Variants in SOHLH2 observed in about 807,000 individuals in gnomAD.
SOHLH2 encodes spermatogenesis and oogenesis specific basic helix-loop-helix 2, also known as spermatogenesis- and oogenesis-specific basic helix-loop-helix-containing protein 2.
SOHLH2 carries 22 observed loss-of-function variants against 50.4 expected under a neutral mutation model. The ratio of observed to expected loss-of-function variants is 0.44; its 90% CI spans 0.31 to 0.62. The LOEUF (loss-of-function observed/expected upper bound fraction) is 0.62. Ranked by LOEUF, SOHLH2 falls within the 20% of genes least tolerant of loss-of-function variation. The pLI is 0.08. For synonymous variants in SOHLH2, 185 were observed against 187.3 expected, an observed-to-expected ratio of 0.99 and a Z score of 0.10; for missense variants, 412 against 504.4, an observed-to-expected ratio of 0.82 and a Z score of 1.76.
intron 6 of SOHLH2, among the ~76,000 whole-genome samples, chr13:36,177,157 T>C (rs1026696105): frequency 2.6e-5 from 4 of 152,124 alleles, no homozygotes; most frequent in African/African-American, 9.6e-5. Context: ...AAATAGCATA[T>C]AAATAAAATC....
chr13:36,205,906 A>G (rs1345568620), intron 1 of SOHLH2, among the ~76,000 whole-genome samples: 1 of 151,900 alleles, frequency 6.6e-6, no homozygotes, highest in Non-Finnish European at 1.5e-5. Flanking sequence ...GAAGTTTCTC[A>G]CCTTCTCTTA....
chr13:36,185,640 A>G (rs1006581120), intron 6 of SOHLH2, among the ~76,000 whole-genome samples: 1 of 152,210 alleles, frequency 6.6e-6, no homozygotes, highest in Non-Finnish European at 1.5e-5. Context: ...CTGATCAAGA[A>G]ACAAGGCAGA....
intron 1 of SOHLH2, among the ~76,000 whole-genome samples, chr13:36,204,446 G>C (rs1868632968): frequency 6.6e-6 from 1 of 152,136 alleles, no homozygotes; most frequent in Admixed American, 6.5e-5. Flanking sequence ...TATCCCAGCT[G>C]GAGTTTATTT....
rs541422469 is a variant in SOHLH2 at position 36,207,190 on chromosome 13, T to C, written c.49-5097A>G. Among the ~76,000 whole-genome samples the C allele has an allele frequency of 2.6e-5, 4 of 152,232 alleles. No individual in the cohort carries two copies. In the East Asian group the frequency reaches 7.7e-4, roughly 29 times the overall value. ...ATTACTGACATTAACTAGTGTACAT[T>C]AACTTCATTAATGTAATGTAATGAA... is the stretch of plus-strand genomic sequence containing the variant. On this transcript the variant is annotated intron_variant, in intron 1 of 10. Transcript: ENST00000379881.
chr13:36,211,841 C>G (rs1194473362), intron 1 of SOHLH2, among the ~76,000 whole-genome samples: 1 of 152,172 alleles, frequency 6.6e-6, no homozygotes, highest in African/African-American at 2.4e-5. Flanking sequence ...ATCAACCTAG[C>G]AGGGGAAGGA....
chr13:36,185,918 C>T (rs145415788), intron 6 of SOHLH2, among the ~76,000 whole-genome samples: 2 of 152,168 alleles, frequency 1.3e-5, no homozygotes, highest in South Asian at 2.1e-4. Flanking sequence ...ATGACTTCAC[C>T]GTTGAATCCT....
chr13:36,201,048 CAAAAAAAAAA>C (rs10660002), intron 2 of SOHLH2, among the ~76,000 whole-genome samples: 2 of 55,962 alleles, frequency 3.6e-5, no homozygotes, highest in Non-Finnish European at 6.4e-5. Context: ...GACTCTGCCT[CAAAAAAAAAA>C]AAAAAAAAAA....
intron 8 of SOHLH2, among the ~76,000 whole-genome samples, chr13:36,174,219 C>T (rs1341286607): frequency 1.3e-5 from 2 of 152,138 alleles, no homozygotes; most frequent in Non-Finnish European, 2.9e-5. Flanking sequence ...AGGGAGAAAG[C>T]CCCATTTTAA....
At chr13:36,204,456 T>C (rs1359115255) in intron 1 of SOHLH2, among the ~76,000 whole-genome samples, 1 of 152,202 alleles carries the variant, frequency 6.6e-6, no homozygotes, top group Non-Finnish European at 1.5e-5. Flanking sequence ...GGAGTTTATT[T>C]GGTGATGAAT....
intron 2 of SOHLH2, among the ~76,000 whole-genome samples, chr13:36,195,281 G>A (rs1187600924): frequency 6.6e-6 from 1 of 152,306 alleles, no homozygotes; most frequent in East Asian, 1.9e-4. Flanking sequence ...GCTGGGGAGA[G>A]GGGGAGGGCA....
At chr13:36,181,318 T>G (rs1172335592) in intron 6 of SOHLH2, among the ~76,000 whole-genome samples, 1 of 152,182 alleles carries the variant, frequency 6.6e-6, no homozygotes, top group Non-Finnish European at 1.5e-5. Flanking sequence ...TTCTGAAAAC[T>G]TCTGCCTATA....
In SOHLH2 at chr13:36,191,819, T is replaced by A. The variant is rs1425203430; in HGVS notation, c.506A>T (p.Tyr169Phe). The change falls in exon 5 of 11, where the codon TAT becomes TTT. Residue 169 changes from tyrosine (Y) to phenylalanine (F), a missense_variant. Transcript: ENST00000379881. Reference protein sequence around the residue: ...LQRSYSEHLGYFPTDLFACSE... With the variant: ...LQRSYSEHLGFFPTDLFACSE... ...CCAGGCAAATAGATCAGTAGGAAAA[T>A]ATCCCAGGTGTTCGCTGTAGGACCT... 1.2e-5 allele frequency: 19 copies of A among 1,613,726 alleles called. No homozygotes were observed. The highest frequency in any genetic ancestry group is 1.4e-5 in the Non-Finnish European group (17 of 1,179,834).
At position 36,201,917 on chromosome 13, in the gene SOHLH2, T is replaced by C. The variant is rs547207991; in HGVS notation, c.225A>G (p.Ser75=). 16 of 1,614,258 alleles carry C rather than the reference T, an allele frequency of 9.9e-6. No individual in the cohort carries two copies. In the African/African-American group the frequency reaches 2.0e-4, roughly 20 times the overall value. ...FNMVLLKVPS[S]LSAEELEAIK... Reference sequence around the variant, plus strand: ...TGGCTTCCAGCTCCTCGGCACTTAGTGAAGAAGGCACCTTCAAGAGAACCA... The same window carrying C: ...TGGCTTCCAGCTCCTCGGCACTTAGCGAAGAAGGCACCTTCAAGAGAACCA... Residue 75 remains serine (S), a synonymous_variant, in exon 2 of 11, where the codon TCA becomes TCG. Transcript: ENST00000379881.
chr13:36,183,228 T>C (rs1458416989), intron 6 of SOHLH2: 1 of 319,172 alleles, frequency 3.1e-6, no homozygotes, highest in South Asian at 2.7e-5. Flanking sequence ...TAAACCTCTT[T>C]TCTTTATAAA....
intron 6 of SOHLH2, among the ~76,000 whole-genome samples, chr13:36,184,460 C>CATT (rs1491394333): frequency 8.3e-6 from 1 of 121,138 alleles, no homozygotes; most frequent in Non-Finnish European, 1.8e-5. Flanking sequence ...CTACAAAGAC[C>CATT]TTTTTTTTTT....
At chr13:36,173,837 C>T (rs1320279911) in intron 8 of SOHLH2, 27 bp from the exon 9 acceptor site, 1 of 1,612,712 alleles carries the variant, frequency 6.2e-7, no homozygotes, top group African/African-American at 1.3e-5. Context: ...AAATTATTTG[C>T]ACATTTTTCA....
chr13:36,181,699 A>T (rs1887261038), intron 6 of SOHLH2, among the ~76,000 whole-genome samples: 1 of 152,172 alleles, frequency 6.6e-6, no homozygotes, highest in Non-Finnish European at 1.5e-5. Context: ...TGCTTATAAC[A>T]GTTTTAAGTA....
intron 2 of SOHLH2, among the ~76,000 whole-genome samples, chr13:36,195,376 T>C (rs1398311151): frequency 1.3e-5 from 2 of 151,952 alleles, no homozygotes; most frequent in Non-Finnish European, 2.9e-5. Context: ...CAGGTGAGTT[T>C]GAGAAGGTAC....
At chr13:36,170,915 C>T (rs1886946564) in intron 9 of SOHLH2, 128 bp from the exon 10 acceptor site, 2 of 1,407,868 alleles carry the variant, frequency 1.4e-6, no homozygotes, top group Non-Finnish European at 1.9e-6. Flanking sequence ...CCTGCTACAC[C>T]CGAATGCTGA....
Sources: allele counts gnomAD v4.1 joint callset (sites outside exome capture counted in the v4.1 genomes callset), GRCh38; gene constraint gnomAD v4.1.1; transcripts MANE v1.5; gene names NCBI Gene and HGNC (gene_info 2026-07-23, HGNC 2026-07-21).